CREBBP: variants seen among roughly 807,000 people sequenced by gnomAD.
CREBBP encodes the protein CREB-binding protein.
A neutral mutation model predicts 265.0 loss-of-function variants in CREBBP; 19 were observed. The ratio of observed to expected loss-of-function variants is 0.07; its 90% CI spans 0.05 to 0.11. The LOEUF is 0.11. Among genes scored for constraint, CREBBP ranks in the 10% least tolerant of loss-of-function variants. CREBBP has a pLI of 1.00. For missense variants in CREBBP, 2,525 were observed against 3,219.0 expected, an observed-to-expected ratio of 0.78 and a Z score of 5.22; for synonymous variants, 1,457 against 1,223.7, an observed-to-expected ratio of 1.19 and a Z score of -3.98.
Position 3,731,794 on chromosome 16 carries a change from G to C in CREBBP, c.4872C>G (p.Thr1624=), listed in dbSNP as rs1206103808. The C allele has an allele frequency of 6.2e-7, 1 of 1,614,258 alleles. No individual in the cohort carries two copies. The highest frequency in any genetic ancestry group is 1.1e-5 in the South Asian group (1 of 91,088). Residue 1624 remains threonine, a synonymous_variant, in exon 29 of 31, where the codon ACC becomes ACG. Coordinates refer to ENST00000262367, the MANE Select transcript of CREBBP (RefSeq NM_004380.3). This position sits in a 1 kb window ranked among gnomAD's most constrained non-coding sequence, Gnocchi z 7.7. ...SNDLSQKLYA[T]MEKHKEVFFV... Reference sequence around the variant, plus strand: ...CGCCTACCTCCTTGTGCTTCTCCATGGTGGCATACAGCTTCTGGGACAGGT... The same window carrying C: ...CGCCTACCTCCTTGTGCTTCTCCATCGTGGCATACAGCTTCTGGGACAGGT...
intron 1 of CREBBP, among the ~76,000 whole-genome samples, chr16:3,863,635 T>C (rs1252163453): frequency 6.6e-6 from 1 of 152,038 alleles, no homozygotes; most frequent in Admixed American, 6.6e-5. Flanking sequence ...CCCTAGACAG[T>C]CCTTATTCAA....
At position 3,755,220 on chromosome 16, in the gene CREBBP, A is replaced by G. The variant is rs185291702; in HGVS notation, c.3698+2068T>C. Among the ~76,000 whole-genome samples, 152 of 152,338 alleles carry G rather than the reference A, an allele frequency of 1.0e-3. 1 individual carries two copies. Among genetic ancestry groups the G allele is most frequent in the African/African-American group, 3.5e-3 (145 of 41,566 alleles). The stretch of plus-strand genomic sequence containing the variant: ...CCATCAATGACTTCATATGCCATCA[A>G]TGACTCTTTGGTCCTACCAATTCCA... On this transcript the variant is annotated intron_variant, in intron 19 of 30. Coordinates refer to ENST00000262367, the MANE Select transcript of CREBBP (RefSeq NM_004380.3).
At chr16:3,740,651 T>A (rs1201106405) in intron 23 of CREBBP, 102 bp from the exon 24 acceptor site, 5 of 1,306,596 alleles carry the variant, frequency 3.8e-6, no homozygotes, top group Admixed American at 1.8e-5. Context: ...AGGCTGATAT[T>A]TTAAAGGACT....
In CREBBP at chr16:3,793,570, G is replaced by A. The variant is rs1439239512; in HGVS notation, c.1032C>T (p.Pro344=). The part of the protein sequence containing the change: ...IVPTQAIATG[P]TADPEKRKLI... The stretch of plus-strand genomic sequence containing the variant: ...GTTTGCGTTTTTCAGGATCTGCAGT[G>A]GGGCCTGTTGCAATTGCTTGTGTGG... The change falls in exon 4 of 31, where the codon CCC becomes CCT. Residue 344 remains proline (P), a synonymous_variant. Transcript: ENST00000262367. The A allele has an allele frequency of 1.9e-6, 3 of 1,613,968 alleles. No homozygotes were observed. The highest frequency in any genetic ancestry group is 3.3e-5 in the Admixed American group (2 of 60,026).
intron 2 of CREBBP, among the ~76,000 whole-genome samples, chr16:3,834,529 G>C (rs1436650606): frequency 6.6e-6 from 1 of 152,200 alleles, no homozygotes; most frequent in Non-Finnish European, 1.5e-5. Context: ...TTGGGAAGGA[G>C]AGAGGGATGA....
At position 3,728,057 on chromosome 16, in the gene CREBBP, G is replaced by A. The variant is rs1483103863; in HGVS notation, c.6990C>T (p.Leu2330=). ...GGGACGTGGCGATCTGCTGGCCAGG[G>A]AGATGCGAGGCCTGTGGCTGTCCTG... ...MLSGQPQASH[L]PGQQIATSLS... is the part of the protein sequence containing the mutation. Residue 2330 remains leucine, a synonymous_variant, in exon 31 of 31, where the codon CTC becomes CTT. Coordinates refer to ENST00000262367, the MANE Select transcript of CREBBP (RefSeq NM_004380.3). The surrounding 1 kb of genome is among the most constrained non-coding windows in gnomAD (Gnocchi z 8.7). The A allele has an allele frequency of 1.2e-6, 2 of 1,613,554 alleles. No individual in the cohort carries two copies. The highest frequency in any genetic ancestry group is 1.7e-5 in the Admixed American group (1 of 60,018).
intron 3 of CREBBP, among the ~76,000 whole-genome samples, chr16:3,801,793 T>G (rs2053719103): frequency 6.6e-6 from 1 of 152,208 alleles, no homozygotes; most frequent in African/African-American, 2.4e-5. Flanking sequence ...CCTTAAAATA[T>G]ATGCAATATG....
chr16:3,797,889 T>C (rs2053638950), intron 3 of CREBBP, among the ~76,000 whole-genome samples: 1 of 151,996 alleles, frequency 6.6e-6, no homozygotes, highest in South Asian at 2.1e-4. Flanking sequence ...CATAAACACA[T>C]AATGGAGTTT....
At chr16:3,867,807 T>C (rs2055208126) in intron 1 of CREBBP, among the ~76,000 whole-genome samples, 1 of 150,824 alleles carries the variant, frequency 6.6e-6, no homozygotes, top group African/African-American at 2.4e-5. Context: ...CATGCACCTG[T>C]CATCCTAGCT....
At chr16:3,747,874 G>A (rs1205903864) in intron 21 of CREBBP, among the ~76,000 whole-genome samples, 1 of 152,066 alleles carries the variant, frequency 6.6e-6, no homozygotes, top group East Asian at 1.9e-4. Flanking sequence ...TGGACCACGA[G>A]GTCAGGAGAT....
At chr16:3,794,925 C>A (rs1352671750) in intron 3 of CREBBP, among the ~76,000 whole-genome samples, 1 of 152,162 alleles carries the variant, frequency 6.6e-6, no homozygotes, top group African/African-American at 2.4e-5. Flanking sequence ...AAGTACGCCA[C>A]TCGGATTTTT....
At chr16:3,878,950 T>C (rs1179560588) in intron 1 of CREBBP, among the ~76,000 whole-genome samples, 2 of 151,090 alleles carry the variant, frequency 1.3e-5, no homozygotes, top group Admixed American at 6.6e-5. Flanking sequence ...GGAAGCCGTT[T>C]AATGAAAGGA....
chr16:3,738,816 G>A (rs2052134049), intron 25 of CREBBP, 144 bp from the exon 26 acceptor site: 5 of 676,504 alleles, frequency 7.4e-6, no homozygotes, highest in African/African-American at 5.3e-5. Context: ...CGCGGTCACA[G>A]CTCACTGCAA....
intron 5 of CREBBP, among the ~76,000 whole-genome samples, chr16:3,788,264 C>T (rs975133175): frequency 6.6e-6 from 1 of 152,214 alleles, no homozygotes. Flanking sequence ...GCATCCAGAG[C>T]AGTGCATCTC....
intron 12 of CREBBP, 92 bp from the exon 13 acceptor site, chr16:3,774,022 C>G (rs2053078671): frequency 3.6e-6 from 5 of 1,405,120 alleles, no homozygotes; most frequent in Admixed American, 3.4e-5. Flanking sequence ...GCTTCACAAC[C>G]CCAGAGGATG....
At chr16:3,820,314 G>C (rs1401994939) in intron 2 of CREBBP, among the ~76,000 whole-genome samples, 1 of 152,216 alleles carries the variant, frequency 6.6e-6, no homozygotes, top group African/African-American at 2.4e-5. Context: ...GGTAAATATA[G>C]AGTAAGGAGA....
At chr16:3,848,678 C>T (rs1338869453) in intron 2 of CREBBP, among the ~76,000 whole-genome samples, 3 of 152,056 alleles carry the variant, frequency 2.0e-5, no homozygotes, top group African/African-American at 4.8e-5. Context: ...ATGTCGACTT[C>T]ATATGATTTA....
intron 1 of CREBBP, among the ~76,000 whole-genome samples, chr16:3,853,835 G>T (rs555217605): frequency 1.3e-5 from 2 of 152,114 alleles, no homozygotes; most frequent in Admixed American, 1.3e-4. Context: ...TACTCGAGAG[G>T]CTGAGGCAGG....
intron 6 of CREBBP, 50 bp downstream of exon 6, chr16:3,782,634 T>C: frequency 6.2e-7 from 1 of 1,609,702 alleles, no homozygotes; most frequent in South Asian, 1.1e-5. Flanking sequence ...CTCCATTCCC[T>C]TTGCTGCATG....
Sources: allele counts gnomAD v4.1 joint callset (sites outside exome capture counted in the v4.1 genomes callset), GRCh38; gene constraint gnomAD v4.1.1; non-coding constraint Gnocchi (gnomAD v3.1); transcripts MANE v1.5; gene names NCBI Gene and HGNC (gene_info 2026-07-23, HGNC 2026-07-21).